The following NAV1 variants were observed in gnomAD, a reference collection of about 807,000 sequenced individuals.
NAV1 encodes the protein pore membrane and/or filament interacting like protein 3.
Under a neutral mutation model 175.2 loss-of-function variants are expected in NAV1, and 18 were observed. The ratio of observed to expected loss-of-function variants is 0.10; its 90% CI spans 0.07 to 0.15. NAV1 has a LOEUF of 0.15. NAV1 is among the 10% of genes least tolerant of loss of function. The pLI, the probability that NAV1 is intolerant of heterozygous loss-of-function variation, is 1.00. For synonymous variants in NAV1, 897 were observed against 978.7 expected (o/e 0.92, Z 1.56); for missense variants, 1,731 against 2,436.6 (o/e 0.71, Z 6.10).
intron 2 of NAV1, among the ~76,000 whole-genome samples, chr1:201,591,804 AT>A (rs1342128894): frequency 2.0e-5 from 3 of 152,146 alleles, no homozygotes; most frequent in Non-Finnish European, 2.9e-5. Context: ...AGAAAGCTGA[AT>A]CGTGAGACAG....
chr1:201,723,049 T>G (rs1018382870), intron 3 of NAV1, among the ~76,000 whole-genome samples: 11 of 152,296 alleles, frequency 7.2e-5, no homozygotes, highest in African/African-American at 2.4e-4. Flanking sequence ...AGGCGGAGGT[T>G]GCAGAGAGTC....
intron 13 of NAV1, chr1:201,792,682 G>A (rs531087075): frequency 6.6e-6 from 1 of 152,226 alleles, no homozygotes; most frequent in Non-Finnish European, 1.5e-5. Context: ...CCTGCACAGT[G>A]GGTGAAAGGA....
At chr1:201,648,903 G>A (rs1452902009) in exon 1 of NAV1, 11 of 1,612,602 alleles carry the variant, frequency 6.8e-6, no homozygotes, top group African/African-American at 1.3e-5. Context: ...TGTCCCCGGC[G>A]GGCCGCCCGC....
At chr1:201,567,280 G>A (rs1404206519) in intron 1 of NAV1, among the ~76,000 whole-genome samples, 1 of 152,206 alleles carries the variant, frequency 6.6e-6, no homozygotes, top group African/African-American at 2.4e-5. Context: ...GGTTCAGGGG[G>A]TTGCCTCTGT....
At chr1:201,592,901 T>A (rs1241392789) in intron 2 of NAV1, among the ~76,000 whole-genome samples, 1 of 152,042 alleles carries the variant, frequency 6.6e-6, no homozygotes, top group South Asian at 2.1e-4. Flanking sequence ...CGTGGCCCTC[T>A]CCTATCACTC....
chr1:201,669,119 G>A (rs941878510), intron 1 of NAV1, among the ~76,000 whole-genome samples: 5 of 152,166 alleles, frequency 3.3e-5, no homozygotes, highest in Admixed American at 6.5e-5. Flanking sequence ...AACACCTGTC[G>A]GGTATCTACT....
rs775473623 is a variant in NAV1 at position 201,782,679 on chromosome 1, A to G, written c.2167A>G (p.Ser723Gly). Residue 723 changes from serine (S) to glycine (G), a missense_variant, in exon 6 of 30, where the codon AGT becomes GGT. Ser to Gly is a moderately conservative substitution (Grantham distance 56, BLOSUM62 0). Coordinates refer to ENST00000367296, the Ensembl canonical transcript of NAV1. This position sits in a 1 kb window ranked among gnomAD's most constrained non-coding sequence, Gnocchi z 5.4. ...ACTGAAGGAGCCTACCAAGGTAGCC[A>G]GTGGGCGGACCACTCCAGCCCCTGT... 3.4e-5 allele frequency: 55 copies of G among 1,614,170 alleles called. No homozygotes were observed. Among genetic ancestry groups the G allele is most frequent in the Non-Finnish European group, 4.7e-5 (55 of 1,180,008 alleles).
intron 1 of NAV1, among the ~76,000 whole-genome samples, chr1:201,681,125 C>T (rs1670447610): frequency 3.3e-5 from 5 of 152,126 alleles, no homozygotes; most frequent in Admixed American, 3.3e-4. Context: ...CATGTCACTC[C>T]CCAGAACAGA....
At chr1:201,563,216 CT>C (rs1228772465) in intron 1 of NAV1, among the ~76,000 whole-genome samples, 1 of 152,180 alleles carries the variant, frequency 6.6e-6, no homozygotes, top group South Asian at 2.1e-4. Flanking sequence ...CACGCTCCCC[CT>C]GTGCATCCGC....
chr1:201,560,392 CCCTCCACCATCAGCATATCCCT>C (rs1024524903), intron 1 of NAV1, among the ~76,000 whole-genome samples: 3 of 152,146 alleles, frequency 2.0e-5, no homozygotes, highest in African/African-American at 7.2e-5. Context: ...CGCCAGCTTC[CCCTCCACCATCAGCATATCCCT>C]CCTGCCAGGC....
rs1397020969 is a variant in NAV1 at position 201,702,674 on chromosome 1, C to CCCTCTCTG, written c.758-10143_758-10142insCCTCTCTG. On this transcript the variant is annotated intron_variant, in intron 1 of 29. Transcript: ENST00000367296. ...AAGGGTGAATTTTGGTATGTGAATT[C>CCCTCTCTG]TCTCTCTCTCTCTCTCTCTCTCTCT... Among the ~76,000 whole-genome samples the CCCTCTCTG allele has an allele frequency of 2.1e-4, 27 of 130,162 alleles. 1 individual carries two copies. Among genetic ancestry groups the CCCTCTCTG allele is most frequent in the African/African-American group, 7.3e-4 (23 of 31,484 alleles). 85.4% of individuals were successfully genotyped at this position (130,162 alleles called of 152,430 possible).
At chr1:201,814,760 C>G (rs1467555814) in intron 28 of NAV1, among the ~76,000 whole-genome samples, 3 of 151,894 alleles carry the variant, frequency 2.0e-5, no homozygotes, top group Non-Finnish European at 4.4e-5. Flanking sequence ...AAAAAAAAAG[C>G]CGGGTGCGGT....
At chr1:201,741,185 G>T (rs1380828598) in intron 3 of NAV1, among the ~76,000 whole-genome samples, 1 of 152,122 alleles carries the variant, frequency 6.6e-6, no homozygotes, top group Admixed American at 6.5e-5. Flanking sequence ...GCAAAGAATT[G>T]GGCAAGGCCT....
intron 16 of NAV1, chr1:201,804,036 C>T: frequency 2.0e-6 from 1 of 507,022 alleles, no homozygotes; most frequent in South Asian, 1.5e-5. Context: ...AGTTCTGTCC[C>T]CACCACCCCC....
At chr1:201,651,973 G>A (rs79005449) in intron 1 of NAV1, among the ~76,000 whole-genome samples, 2,804 of 152,158 alleles carry the variant, frequency 0.018, 82 homozygotes, top group African/African-American at 0.064. Flanking sequence ...CCTGTGTGAA[G>A]GGCAGAGGGT....
chr1:201,610,600 G>A (rs777557076), intron 2 of NAV1, among the ~76,000 whole-genome samples: 26 of 152,178 alleles, frequency 1.7e-4, no homozygotes, highest in Admixed American at 9.2e-4. Context: ...GCCTCTGTCC[G>A]CAGGCACAGG....
intron 1 of NAV1, among the ~76,000 whole-genome samples, chr1:201,658,441 A>C (rs1669488636): frequency 6.6e-6 from 1 of 152,174 alleles, no homozygotes; most frequent in East Asian, 1.9e-4. Context: ...GAGTTTTGAT[A>C]GAAGGGTGAG....
intron 2 of NAV1, among the ~76,000 whole-genome samples, chr1:201,641,938 T>TCTTTCTCTTTTTCTTCCCTTCCTTC (rs1668766646): frequency 6.8e-6 from 1 of 146,858 alleles, no homozygotes; most frequent in Non-Finnish European, 1.5e-5. Context: ...CTCCCTCCTT[T>TCTTTCTCTTTTTCTTCCCTTCCTTC]CTTTCTCTTT....
chr1:201,692,909 G>A (rs1020691564), intron 1 of NAV1, among the ~76,000 whole-genome samples: 16 of 152,240 alleles, frequency 1.1e-4, no homozygotes, highest in African/African-American at 3.6e-4. Flanking sequence ...TAGGGAAGTG[G>A]GGTGAGAGGG....
Sources: gnomAD v4.1 joint callset for allele counts (sites outside exome capture counted in the v4.1 genomes callset) on GRCh38, gnomAD v4.1.1 for gene constraint, Gnocchi (gnomAD v3.1) non-coding constraint, MANE v1.5 for transcripts, NCBI Gene and HGNC (gene_info 2026-07-23, HGNC 2026-07-21) for gene names.